GPHN: variants seen among roughly 807,000 people sequenced by gnomAD.
The protein encoded by GPHN is gephyrin.
Under a neutral mutation model 95.5 loss-of-function variants are expected in GPHN, and 17 were observed. That is an observed-to-expected ratio of 0.18 (90% CI 0.12 to 0.27). The LOEUF is 0.27. Among genes scored for constraint, GPHN ranks in the 10% least tolerant of loss-of-function variants. The pLI, the probability that GPHN is intolerant of heterozygous loss-of-function variation, is 1.00. For synonymous variants in GPHN, 320 were observed against 322.5 expected (o/e 0.99, Z 0.08); for missense variants, 660 against 978.1 (o/e 0.67, Z 4.34).
intron 4 of GPHN, among the ~76,000 whole-genome samples, chr14:66,859,875 A>G (rs183955081): frequency 1.8e-3 from 274 of 152,308 alleles, no homozygotes; most frequent in Non-Finnish European, 3.3e-3. Context: ...GAATCGATCA[A>G]TCAGAAGAAA....
chr14:67,122,229 A>C lies in GPHN; in HGVS notation c.1627-27A>C, dbSNP rs751256300. The C allele has an allele frequency of 6.2e-6, 10 of 1,611,590 alleles. No homozygotes were observed. The East Asian group carries it at 1.8e-4, about 29-fold the overall frequency. On this transcript the variant is annotated intron_variant, in intron 16 of 22. Transcript: ENST00000478722. ...TATGCAACATTAACCTAATAGAATAATTTGTGGTGGTTTTTTGGCTTTGTA... is the reference window on the plus strand; with the variant it reads ...TATGCAACATTAACCTAATAGAATACTTTGTGGTGGTTTTTTGGCTTTGTA...
chr14:67,241,109 G>C, the GPHN span: 3 of 152,372 alleles, frequency 2.0e-5, 1 homozygote, highest in South Asian at 6.2e-4. Flanking sequence ...AGCAGTCCGC[G>C]TTTTAGACTT....
At chr14:67,480,206 G>A in the GPHN span, among the ~76,000 whole-genome samples, 2 of 152,044 alleles carry the variant, frequency 1.3e-5, no homozygotes, top group Non-Finnish European at 2.9e-5. Context: ...CCTCTTACCC[G>A]ATGCAGGGTC....
At chr14:67,301,231 T>C in the GPHN span, among the ~76,000 whole-genome samples, 2 of 152,300 alleles carry the variant, frequency 1.3e-5, no homozygotes, top group Middle Eastern at 3.4e-3. Flanking sequence ...TTATCCATAA[T>C]AACAAGATTG....
rs2067537697 is a variant in GPHN at position 66,943,365 on chromosome 14, C to T, written c.828+19073C>T. Among the ~76,000 whole-genome samples, 4 of 152,200 alleles carry T rather than the reference C, an allele frequency of 2.6e-5. No homozygotes were observed. The South Asian group carries it at 8.3e-4, about 32-fold the overall frequency. ...AATGTAAAACCTGATAAGTTGTTTT[C>T]ATTATGTGCTAGGTGCTGCCAAGGC... On this transcript the variant is annotated intron_variant, in intron 8 of 22. Transcript: ENST00000478722.
intron 11 of GPHN, among the ~76,000 whole-genome samples, chr14:67,079,498 A>G (rs72715342): frequency 0.066 from 10,099 of 152,152 alleles, 360 homozygotes; most frequent in Middle Eastern, 0.085. Context: ...GGGACATTTC[A>G]TATAAGTAGG....
intron 9 of GPHN, among the ~76,000 whole-genome samples, chr14:66,989,769 C>G (rs1296041646): frequency 6.6e-6 from 1 of 151,932 alleles, no homozygotes; most frequent in Non-Finnish European, 1.5e-5. Flanking sequence ...TCTCCTTACC[C>G]TTTAATTCCT....
chr14:66,801,834 TTGAGCTA>T (rs2060365643), intron 3 of GPHN, among the ~76,000 whole-genome samples: 1 of 150,806 alleles, frequency 6.6e-6, no homozygotes, highest in African/African-American at 2.5e-5. Flanking sequence ...CTCTCCCTCC[TTGAGCTA>T]CCTGGAGCTG....
At position 66,961,892 on chromosome 14, in the gene GPHN, C is replaced by G. The variant is rs368035694; in HGVS notation, c.829-3299C>G. Among the ~76,000 whole-genome samples, 82 of 93,848 alleles carry G rather than the reference C, an allele frequency of 8.7e-4. 3 individuals are homozygous for G. In the South Asian group the frequency reaches 0.03, roughly 34 times the overall value. 61.6% of individuals were successfully genotyped at this position (93,848 alleles called of 152,430 possible). A position where few individuals can be genotyped will look rare whatever the true frequency, so the allele number is the denominator to read the frequency against. ...TACCCTATAACCAACCATTCTATCC[C>G]TGAATGTGTATATATATATATATAT... On this transcript the variant is annotated intron_variant, in intron 8 of 22. Coordinates refer to ENST00000478722, the MANE Select transcript of GPHN (RefSeq NM_020806.5).
the GPHN span, among the ~76,000 whole-genome samples, chr14:67,576,767 C>G: frequency 6.6e-6 from 1 of 152,088 alleles, no homozygotes; most frequent in Non-Finnish European, 1.5e-5. This position sits in a 1 kb window ranked among gnomAD's most constrained non-coding sequence, Gnocchi z 4.0. Context: ...CAAGCTGCCC[C>G]GTTGCTGGCT....
At chr14:66,533,428 C>T (rs965298880) in intron 1 of GPHN, among the ~76,000 whole-genome samples, 2 of 152,052 alleles carry the variant, frequency 1.3e-5, no homozygotes, top group Non-Finnish European at 2.9e-5. Flanking sequence ...AAAGGGACCA[C>T]GTGCATACAT....
At chr14:66,888,895 G>T (rs1346044475) in intron 5 of GPHN, among the ~76,000 whole-genome samples, 2 of 152,022 alleles carry the variant, frequency 1.3e-5, no homozygotes, top group Non-Finnish European at 2.9e-5. Context: ...GAAAAAGATA[G>T]TCAGGCAAAT....
At chr14:67,274,116 CTTTGG>C in the GPHN span, among the ~76,000 whole-genome samples, 1 of 152,162 alleles carries the variant, frequency 6.6e-6, no homozygotes, top group African/African-American at 2.4e-5. Flanking sequence ...TGCAGAAGCT[CTTTGG>C]TTTAATTAGA....
At chr14:67,722,758 C>A in the GPHN span, 1 of 1,461,380 alleles carries the variant, frequency 6.8e-7, no homozygotes, top group Non-Finnish European at 9.6e-7. Context: ...AAGACCTGCA[C>A]TGGAAGCCGG....
chr14:66,525,488 T>G (rs1440851758), intron 1 of GPHN, among the ~76,000 whole-genome samples: 1 of 152,218 alleles, frequency 6.6e-6, no homozygotes. Flanking sequence ...CAGATGCTCT[T>G]TAGTTTAATT....
At chr14:66,678,391 A>T (rs932534124) in intron 1 of GPHN, among the ~76,000 whole-genome samples, 2 of 150,288 alleles carry the variant, frequency 1.3e-5, no homozygotes, top group Non-Finnish European at 3.0e-5. Flanking sequence ...GTATTTTTTT[A>T]ATTTTAATCA....
chr14:67,198,527 A>AAGG, the GPHN span, among the ~76,000 whole-genome samples: 1 of 152,270 alleles, frequency 6.6e-6, no homozygotes, highest in Non-Finnish European at 1.5e-5. Flanking sequence ...AACTCTTGTG[A>AAGG]AGGACTTCTG....
chr14:67,710,857 T>C, the GPHN span, among the ~76,000 whole-genome samples: 2 of 152,150 alleles, frequency 1.3e-5, no homozygotes, highest in Non-Finnish European at 2.9e-5. Flanking sequence ...TACAAGTATT[T>C]ATTCTATTAC....
chr14:67,320,590 A>G, the GPHN span, among the ~76,000 whole-genome samples: 28,820 of 152,120 alleles, frequency 0.19, 4,367 homozygotes, highest in East Asian at 0.48. Flanking sequence ...TTTGTCCTTC[A>G]AGTATGTACT....
Sources: gnomAD v4.1 joint callset for allele counts (sites outside exome capture counted in the v4.1 genomes callset) on GRCh38, gnomAD v4.1.1 for gene constraint, Gnocchi (gnomAD v3.1) non-coding constraint, MANE v1.5 for transcripts, NCBI Gene and HGNC (gene_info 2026-07-23, HGNC 2026-07-21) for gene names.